TP53BP1: variants seen among roughly 807,000 people sequenced by gnomAD.
The protein encoded by TP53BP1 is tumor protein p53 binding protein 1.
A neutral mutation model predicts 200.8 loss-of-function variants in TP53BP1; 61 were observed. The observed-to-expected ratio is 0.30, with a 90% CI of 0.25 to 0.38. TP53BP1 has a LOEUF of 0.38. Ranked by LOEUF, TP53BP1 falls within the 10% of genes least tolerant of loss-of-function variation. The pLI is 1.00. For missense variants in TP53BP1, 2,144 were observed against 2,371.9 expected (o/e 0.90, Z 2.00); for synonymous variants, 822 against 844.3 (o/e 0.97, Z 0.46).
chr15:43,441,743 T>C (rs34448639), intron 14 of TP53BP1, among the ~76,000 whole-genome samples, 160 bp from the exon 15 acceptor site: 1 of 152,198 alleles, frequency 6.6e-6, no homozygotes, highest in Non-Finnish European at 1.5e-5. Flanking sequence ...ACATTTCTTG[T>C]AATTTTATTT....
chr15:43,437,268 AAAAAGTCTGTT>A (rs1409490968), intron 16 of TP53BP1, among the ~76,000 whole-genome samples: 11 of 152,222 alleles, frequency 7.2e-5, no homozygotes, highest in African/African-American at 2.7e-4. Flanking sequence ...AAGGAGAAAT[AAAAAGTCTGTT>A]AAAAGTAAAC....
Position 43,456,988 on chromosome 15 carries a change from T to C in TP53BP1, c.1620A>G (p.Arg540=), listed in dbSNP as rs774356134. The change falls in exon 12 of 28, where the codon AGA becomes AGG. Residue 540 remains arginine, a synonymous_variant. Transcript: ENST00000382044. The stretch of plus-strand genomic sequence containing the variant: ...GTGTGTTTTCTCCATCTTCATCAAT[T>C]CTGTGAGAACTCAAGCTCTCCATCT... The part of the protein sequence containing the change: ...SPKMESLSSH[R]IDEDGENTQI... The C allele has an allele frequency of 1.9e-6, 3 of 1,614,228 alleles. No individual in the cohort carries two copies. In the East Asian group the frequency reaches 6.7e-5, roughly 36 times the overall value.
chr15:43,421,647 T>C (rs1029246049), intron 19 of TP53BP1: 5 of 672,780 alleles, frequency 7.4e-6, no homozygotes, highest in Middle Eastern at 4.2e-4. Context: ...AGGGGCTGCT[T>C]TGCCAATGAA....
At chr15:43,453,612 C>T (rs1184418476) in intron 12 of TP53BP1, among the ~76,000 whole-genome samples, 4 of 150,104 alleles carry the variant, frequency 2.7e-5, no homozygotes, top group African/African-American at 9.8e-5. Context: ...GAGTCTCATT[C>T]TGTCACCTAA....
chr15:43,435,160 G>A (rs1258687558), intron 16 of TP53BP1, among the ~76,000 whole-genome samples: 1 of 151,158 alleles, frequency 6.6e-6, no homozygotes, highest in African/African-American at 2.4e-5. Context: ...CTACTTGGGA[G>A]GCTGAGGCAG....
At chr15:43,432,771 G>T in intron 16 of TP53BP1, 94 bp from the exon 17 acceptor site, 2 of 1,345,522 alleles carry the variant, frequency 1.5e-6, no homozygotes, top group Non-Finnish European at 2.0e-6. Context: ...GTAGTGGCAA[G>T]GGGGGAGCCA....
chr15:43,404,299 T>C lies in TP53BP1; in HGVS notation c.*3084A>G. ...ATAGGAATGTGGGAAGGCCAGGTGG[T>C]TCTGTAGAATTTTGAACAAGGCTTT... On this transcript the variant is annotated 3_prime_UTR_variant, in exon 28 of 28. Transcript: ENST00000382044. The C allele has an allele frequency of 6.8e-6, 9 of 1,324,674 alleles. No homozygotes were observed. The highest frequency in any genetic ancestry group is 9.3e-6 in the Non-Finnish European group (9 of 967,766). 82.1% of individuals were successfully genotyped at this position (1,324,674 alleles called of 1,614,324 possible).
At position 43,416,424 on chromosome 15, in the gene TP53BP1, G is replaced by T; in HGVS notation, c.4682-8C>A. On this transcript the variant is annotated splice_polypyrimidine_tract_variant and splice_region_variant and intron_variant, in intron 21 of 27. Transcript: ENST00000382044. ...TATGTCCTTTCACCACTCCTGGGGG[G>T]TGGAAAGCATAAAAGAAGCTTGCTG... 1 of 1,612,100 alleles carries T rather than the reference G, an allele frequency of 6.2e-7. No homozygotes were observed. Among genetic ancestry groups the T allele is most frequent in the Non-Finnish European group, 8.5e-7 (1 of 1,179,058 alleles).
At chr15:43,425,990 A>G (rs763009723) in intron 18 of TP53BP1, among the ~76,000 whole-genome samples, 8 of 150,880 alleles carry the variant, frequency 5.3e-5, no homozygotes, top group Non-Finnish European at 1.0e-4. Flanking sequence ...GCGTGAACCC[A>G]GGAGGCGGAG....
intron 11 of TP53BP1, among the ~76,000 whole-genome samples, chr15:43,460,252 A>ATGTTTTGTTTTGTTT (rs561446120): frequency 1.3e-5 from 2 of 151,806 alleles, no homozygotes; most frequent in African/African-American, 4.8e-5. Flanking sequence ...TTCATTTCCT[A>ATGTTTTGTTTTGTTT]TGTTTTGTTT....
At chr15:43,502,343 A>C (rs775609559) in intron 1 of TP53BP1, among the ~76,000 whole-genome samples, 16 of 152,194 alleles carry the variant, frequency 1.1e-4, no homozygotes, top group Non-Finnish European at 1.9e-4. Context: ...AATTAAAAAT[A>C]AATAAATAAA....
At chr15:43,507,580 T>C (rs767043620) in intron 1 of TP53BP1, among the ~76,000 whole-genome samples, 2 of 152,256 alleles carry the variant, frequency 1.3e-5, no homozygotes, top group Non-Finnish European at 2.9e-5. Context: ...TCAATATAGA[T>C]TTTTAAATAC....
intron 26 of TP53BP1, 136 bp from the exon 27 acceptor site, chr15:43,408,224 T>C: frequency 3.3e-6 from 3 of 920,592 alleles, no homozygotes; most frequent in South Asian, 3.5e-5. Context: ...AAGCCTGTAA[T>C]CCCAGCACTT....
At position 43,416,213 on chromosome 15, in the gene TP53BP1, CAA is replaced by C. The variant is rs762337006; in HGVS notation, c.4873+10_4873+11del. The stretch of plus-strand genomic sequence containing the variant: ...AGCCCAAAAGCAGCTGTTCAGGAAG[CAA>C]AAGTCTTACCTAAGCTGATATCTGC... On this transcript the variant is annotated intron_variant, in intron 22 of 27. Transcript: ENST00000382044. 2 of 1,607,892 alleles carry C rather than the reference CAA, an allele frequency of 1.2e-6. No homozygotes were observed. The highest frequency in any genetic ancestry group is 2.2e-5 in the South Asian group (2 of 90,400).
intron 17 of TP53BP1, among the ~76,000 whole-genome samples, chr15:43,429,682 A>T (rs1243338472): frequency 6.6e-6 from 1 of 152,220 alleles, no homozygotes; most frequent in Non-Finnish European, 1.5e-5. Context: ...TTATGTGACT[A>T]GTTATAAATA....
chr15:43,500,756 G>T (rs1595636511), intron 1 of TP53BP1, among the ~76,000 whole-genome samples: 1 of 152,154 alleles, frequency 6.6e-6, no homozygotes, highest in African/African-American at 2.4e-5. Context: ...GGGAGGCGGA[G>T]GTTGCACTGA....
chr15:43,425,162 T>G (rs1175325416), intron 18 of TP53BP1, among the ~76,000 whole-genome samples: 5 of 152,142 alleles, frequency 3.3e-5, no homozygotes, highest in Non-Finnish European at 7.4e-5. Context: ...AGAAATAAAT[T>G]TCTTTTATTT....
intron 23 of TP53BP1, 51 bp from the exon 24 acceptor site, chr15:43,413,385 G>A (rs770051575): frequency 3.3e-6 from 5 of 1,513,978 alleles, no homozygotes; most frequent in Admixed American, 3.7e-5. Context: ...CATTGCCTCA[G>A]CAAAAGCCTT....
At position 43,409,686 on chromosome 15, in the gene TP53BP1, T is replaced by C; in HGVS notation, c.5361A>G (p.Ala1787=). The change falls in exon 25 of 28, where the codon GCA becomes GCG. Residue 1787 remains alanine (A), a synonymous_variant. Transcript: ENST00000382044. ...NKQYTESQLR[A]GAGYILEDFN... ...AATCTTCAAGGATATAGCCAGCTCC[T>C]GCTCGAAGCTGGGATTCTGTATACT... The C allele has an allele frequency of 6.3e-7, 1 of 1,577,966 alleles. No homozygotes were observed. Among genetic ancestry groups the C allele is most frequent in the Non-Finnish European group, 8.6e-7 (1 of 1,164,574 alleles).
Sources: allele counts gnomAD v4.1 joint callset (sites outside exome capture counted in the v4.1 genomes callset), GRCh38; gene constraint gnomAD v4.1.1; transcripts MANE v1.5; gene names NCBI Gene and HGNC (gene_info 2026-07-23, HGNC 2026-07-21).